Variants in TMEM163 observed in about 807,000 individuals in gnomAD.
TMEM163 encodes transmembrane protein 163.
A neutral mutation model predicts 29.3 loss-of-function variants in TMEM163; 17 were observed. The ratio of observed to expected loss-of-function variants is 0.58; its 90% CI spans 0.40 to 0.87. The LOEUF is 0.87. TMEM163 is among the 40% of genes least tolerant of loss of function. The pLI, the probability that TMEM163 is intolerant of heterozygous loss-of-function variation, is 0.00. For synonymous variants in TMEM163, 157 were observed against 160.6 expected, an observed-to-expected ratio of 0.98 and a Z score of 0.17; for missense variants, 303 against 381.5, an observed-to-expected ratio of 0.79 and a Z score of 1.71.
intron 2 of TMEM163, among the ~76,000 whole-genome samples, chr2:134,596,893 C>G (rs1331521741): frequency 1.3e-5 from 2 of 152,128 alleles, no homozygotes; most frequent in African/African-American, 2.4e-5. Context: ...TGGGATTTGT[C>G]TCTCATGATT....
chr2:134,679,379 G>A (rs1684183686), intron 2 of TMEM163, among the ~76,000 whole-genome samples: 1 of 152,174 alleles, frequency 6.6e-6, no homozygotes, highest in Non-Finnish European at 1.5e-5. Flanking sequence ...CATAAGATCA[G>A]GAAAGATTTC....
chr2:134,675,776 T>C (rs910636467), intron 2 of TMEM163, among the ~76,000 whole-genome samples: 19 of 152,184 alleles, frequency 1.2e-4, no homozygotes, highest in Non-Finnish European at 2.2e-4. Context: ...GGTCCCAGGA[T>C]TTAGGAATCA....
rs117821971 is a variant in TMEM163 at position 134,460,684 on chromosome 2, G to A, written c.668-2511C>T. Among the ~76,000 whole-genome samples the A allele has an allele frequency of 6.6e-6, 1 of 152,276 alleles. No homozygotes were observed. The highest frequency in any genetic ancestry group is 1.9e-4 in the East Asian group (1 of 5,168). ...GGTGCTGCTCAGAAAAGAGGCAAAA[G>A]CGTGAGGTTCCCCAGACAGCCACTA... is the stretch of plus-strand genomic sequence containing the variant. On this transcript the variant is annotated intron_variant, in intron 6 of 7. Transcript: ENST00000281924. The surrounding 1 kb of genome is among the most constrained non-coding windows in gnomAD (Gnocchi z 4.3).
intron 4 of TMEM163, among the ~76,000 whole-genome samples, chr2:134,525,859 G>T (rs1680283476): frequency 6.6e-6 from 1 of 152,358 alleles, no homozygotes; most frequent in South Asian, 2.1e-4. Context: ...GTCCAGAAAA[G>T]CTTTCTAGAA....
intron 4 of TMEM163, among the ~76,000 whole-genome samples, chr2:134,523,804 C>A (rs1680236242): frequency 6.6e-6 from 1 of 152,196 alleles, no homozygotes; most frequent in South Asian, 2.1e-4. Flanking sequence ...TGGTTCTCAC[C>A]TGAGGAGATT....
At chr2:134,536,694 T>G (rs1048135657) in intron 4 of TMEM163, among the ~76,000 whole-genome samples, 1 of 152,170 alleles carries the variant, frequency 6.6e-6, no homozygotes, top group African/African-American at 2.4e-5. Context: ...ATATACTTAG[T>G]ACAGTGCCCG....
chr2:134,557,596 C>T (rs1264322063), intron 2 of TMEM163, among the ~76,000 whole-genome samples: 1 of 152,166 alleles, frequency 6.6e-6, no homozygotes, highest in African/African-American at 2.4e-5. Context: ...AGGTAGGTAA[C>T]AGACAAATGG....
chr2:134,652,941 G>A lies in TMEM163; in HGVS notation c.322+60259C>T, dbSNP rs1363267271. On this transcript the variant is annotated intron_variant, in intron 2 of 7. Coordinates refer to ENST00000281924, the MANE Select transcript of TMEM163 (RefSeq NM_030923.5). ...AGCTTTTTGATGTGCTGCTGGATTC[G>A]TTTTGCCAGTATTTTATTGAGGATT... is the stretch of plus-strand genomic sequence containing the variant. 1.6e-4 allele frequency among the ~76,000 whole-genome samples: 13 copies of A among 82,396 alleles called. 2 individuals are homozygous for A. The highest frequency in any genetic ancestry group is 1.7e-4 in the Non-Finnish European group (7 of 42,002). 54.1% of individuals were successfully genotyped at this position (82,396 alleles called of 152,430 possible).
chr2:134,473,670 G>A (rs1200592110), intron 5 of TMEM163, among the ~76,000 whole-genome samples: 2 of 152,088 alleles, frequency 1.3e-5, no homozygotes, highest in African/African-American at 2.4e-5. Context: ...GAAGAAAGAG[G>A]ACACATGTTA....
chr2:134,466,349 G>C, intron 5 of TMEM163, 124 bp from the exon 6 acceptor site: 3 of 716,778 alleles, frequency 4.2e-6, no homozygotes, highest in South Asian at 3.5e-5. Flanking sequence ...GCCACCAGGT[G>C]GGGGTATACT....
At chr2:134,471,965 C>T (rs35709592) in intron 5 of TMEM163, among the ~76,000 whole-genome samples, 5,455 of 152,320 alleles carry the variant, frequency 0.036, 160 homozygotes, top group South Asian at 0.13. Context: ...GATTTCCTTG[C>T]TGGGCATTCA....
At chr2:134,552,565 G>A (rs1680954152) in intron 2 of TMEM163, among the ~76,000 whole-genome samples, 1 of 151,346 alleles carries the variant, frequency 6.6e-6, no homozygotes, top group African/African-American at 2.4e-5. Flanking sequence ...GTTTAGAAAA[G>A]AGTGACAAAT....
At chr2:134,538,506 T>C (rs1181829100) in intron 4 of TMEM163, among the ~76,000 whole-genome samples, 3 of 152,064 alleles carry the variant, frequency 2.0e-5, no homozygotes, top group Non-Finnish European at 4.4e-5. Context: ...CACTAGCACA[T>C]GGAGGGACAT....
In TMEM163 at chr2:134,611,978, CAG is replaced by C. The variant is rs1402239192; in HGVS notation, c.323-59889_323-59888del. Among the ~76,000 whole-genome samples, 3 of 152,210 alleles carry C rather than the reference CAG, an allele frequency of 2.0e-5. No individual in the cohort carries two copies. The East Asian group carries it at 5.8e-4, about 29-fold the overall frequency. ...TCCATTCCCATCCCCTTCCTCCCAACAGGGGAAGTGGAAGAAACACCGGAAAA... is the reference window on the plus strand; with the variant it reads ...TCCATTCCCATCCCCTTCCTCCCAACGGGAAGTGGAAGAAACACCGGAAAA... On this transcript the variant is annotated intron_variant, in intron 2 of 7. Transcript: ENST00000281924.
intron 2 of TMEM163, among the ~76,000 whole-genome samples, chr2:134,706,751 G>A (rs1025013930): frequency 2.0e-5 from 3 of 152,212 alleles, no homozygotes; most frequent in Non-Finnish European, 2.9e-5. Flanking sequence ...GGGGGCTGCA[G>A]TACATGGGGA....
rs116841991 is a variant in TMEM163, at chr2:134,617,989, C to G, written c.323-65898G>C. Among the ~76,000 whole-genome samples, 177 of 152,158 alleles carry G rather than the reference C, an allele frequency of 1.2e-3. 3 individuals carry two copies. In the East Asian group the frequency reaches 0.033, roughly 28 times the overall value. ...ATTAGCCAGGCATAGTGGCATGCAT[C>G]TGTGGTCCTAGCTGCTTAGAAGGCT... On this transcript the variant is annotated intron_variant, in intron 2 of 7. Coordinates refer to ENST00000281924, the MANE Select transcript of TMEM163 (RefSeq NM_030923.5).
intron 4 of TMEM163, among the ~76,000 whole-genome samples, chr2:134,519,160 TCA>T (rs1391322706): frequency 6.6e-6 from 1 of 152,152 alleles, no homozygotes; most frequent in Non-Finnish European, 1.5e-5. Flanking sequence ...TTTAAGATAC[TCA>T]CAGACTTAAA....
At chr2:134,643,847 T>C (rs1683272405) in intron 2 of TMEM163, among the ~76,000 whole-genome samples, 1 of 151,766 alleles carries the variant, frequency 6.6e-6, no homozygotes, top group Non-Finnish European at 1.5e-5. Flanking sequence ...GATGATATGA[T>C]TTTCTAAACA....
chr2:134,477,149 T>C (rs938268254), intron 5 of TMEM163, among the ~76,000 whole-genome samples: 1 of 152,190 alleles, frequency 6.6e-6, no homozygotes, highest in Non-Finnish European at 1.5e-5. Flanking sequence ...GTTGCTCATT[T>C]GTTGTCCGGC....
Sources: gnomAD v4.1 joint callset for allele counts (sites outside exome capture counted in the v4.1 genomes callset) on GRCh38, gnomAD v4.1.1 for gene constraint, Gnocchi (gnomAD v3.1) non-coding constraint, MANE v1.5 for transcripts, NCBI Gene and HGNC (gene_info 2026-07-23, HGNC 2026-07-21) for gene names.